Variants in TTC28 observed in about 807,000 individuals in gnomAD.
The protein encoded by TTC28 is tetratricopeptide repeat domain 28.
A neutral mutation model predicts 198.0 loss-of-function variants in TTC28; 61 were observed. The ratio of observed to expected loss-of-function variants is 0.31; its 90% CI spans 0.25 to 0.38. The LOEUF is 0.38. TTC28 is among the 10% of genes least tolerant of loss of function. TTC28 has a pLI of 1.00. For synonymous variants in TTC28, 1,171 were observed against 1,297.8 expected (o/e 0.90, Z 2.10); for missense variants, 2,678 against 3,164.0 (o/e 0.85, Z 3.69).
intron 2 of TTC28, among the ~76,000 whole-genome samples, chr22:28,425,264 A>G (rs753414822): frequency 4.6e-5 from 7 of 152,198 alleles, no homozygotes; most frequent in Non-Finnish European, 8.8e-5. Flanking sequence ...TTTTCCTCCA[A>G]TACAAGCCTA....
At chr22:28,501,797 C>T (rs1368766430) in intron 2 of TTC28, among the ~76,000 whole-genome samples, 1 of 152,118 alleles carries the variant, frequency 6.6e-6, no homozygotes, top group Non-Finnish European at 1.5e-5. Context: ...AGTCTTTTTG[C>T]ATTATGCCAT....
chr22:28,353,897 A>T (rs1160333383), intron 2 of TTC28, among the ~76,000 whole-genome samples: 1 of 152,226 alleles, frequency 6.6e-6, no homozygotes, highest in African/African-American at 2.4e-5. Context: ...TCCAAAGAAG[A>T]TACACAAATG....
chr22:28,341,323 T>G (rs2045824476), intron 2 of TTC28, among the ~76,000 whole-genome samples: 1 of 152,226 alleles, frequency 6.6e-6, no homozygotes, highest in African/African-American at 2.4e-5. Flanking sequence ...GATTCTTTTC[T>G]TACAAGCTTT....
intron 1 of TTC28, among the ~76,000 whole-genome samples, chr22:28,641,878 C>T (rs1274245796): frequency 6.6e-6 from 1 of 151,976 alleles, no homozygotes; most frequent in Non-Finnish European, 1.5e-5. Context: ...ATTTATAACA[C>T]AAAATGCAGG....
intron 5 of TTC28, among the ~76,000 whole-genome samples, chr22:28,194,827 A>G (rs963429216): frequency 1.9e-5 from 2 of 106,018 alleles, no homozygotes; most frequent in Non-Finnish European, 3.8e-5. Context: ...CCAGGACCAG[A>G]TGGATTCACA....
At chr22:28,051,917 G>T (rs1422782536) in intron 12 of TTC28, among the ~76,000 whole-genome samples, 2 of 152,136 alleles carry the variant, frequency 1.3e-5, no homozygotes, top group African/African-American at 2.4e-5. Context: ...TGATTTTGCA[G>T]CCAGCCAGCA....
intron 12 of TTC28, among the ~76,000 whole-genome samples, chr22:28,038,851 T>G (rs1229312655): frequency 1.3e-5 from 2 of 152,150 alleles, no homozygotes; most frequent in Non-Finnish European, 2.9e-5. Context: ...CATCAAAAAG[T>G]GGGCAAAGCA....
intron 2 of TTC28, among the ~76,000 whole-genome samples, chr22:28,513,714 C>G (rs2048729276): frequency 6.6e-6 from 1 of 151,728 alleles, no homozygotes; most frequent in African/African-American, 2.4e-5. Context: ...GTAAAAATAG[C>G]TGAGAAAAGT....
chr22:28,649,918 G>C (rs1201522448), intron 1 of TTC28, among the ~76,000 whole-genome samples: 1 of 151,982 alleles, frequency 6.6e-6, no homozygotes, highest in Non-Finnish European at 1.5e-5. Flanking sequence ...AAATCCCTGA[G>C]GCAATTACTG....
chr22:28,286,407 C>T (rs1343856354), intron 5 of TTC28, among the ~76,000 whole-genome samples: 1 of 152,104 alleles, frequency 6.6e-6, no homozygotes, highest in African/African-American at 2.4e-5. Flanking sequence ...TAATGAGATA[C>T]TTTACATTCT....
chr22:28,133,495 T>A (rs932951974), intron 6 of TTC28, among the ~76,000 whole-genome samples: 7 of 151,952 alleles, frequency 4.6e-5, no homozygotes, highest in Non-Finnish European at 7.4e-5. Context: ...ACCTGGAAAA[T>A]CGGGCCACTC....
intron 2 of TTC28, among the ~76,000 whole-genome samples, chr22:28,484,794 G>A (rs369685933): frequency 6.4e-4 from 97 of 152,282 alleles, no homozygotes; most frequent in African/African-American, 2.3e-3. Context: ...AATCAACCTC[G>A]TAACTATTCT....
At chr22:28,210,683 G>A (rs956534099) in intron 5 of TTC28, among the ~76,000 whole-genome samples, 11 of 152,104 alleles carry the variant, frequency 7.2e-5, no homozygotes, top group Non-Finnish European at 1.0e-4. Flanking sequence ...TGAAAGTGAC[G>A]GGGAGAATGG....
At chr22:28,051,683 G>A (rs546843787) in intron 12 of TTC28, among the ~76,000 whole-genome samples, 1 of 152,262 alleles carries the variant, frequency 6.6e-6, no homozygotes, top group African/African-American at 2.4e-5. Context: ...CGTCATGAAA[G>A]CCCCCAAACA....
In TTC28 at chr22:28,105,864, C is replaced by A. The variant is rs770215647; in HGVS notation, c.2784-62G>T. 8.2e-6 allele frequency: 12 copies of A among 1,463,304 alleles called. No homozygotes were observed. The South Asian group carries it at 1.4e-4, about 17-fold the overall frequency. 90.6% of individuals were successfully genotyped at this position (1,463,304 alleles called of 1,614,324 possible). On this transcript the variant is annotated intron_variant, in intron 7 of 22. Coordinates refer to ENST00000397906, the MANE Select transcript of TTC28 (RefSeq NM_001145418.2). ...TCATGCAGGTGCAGACATGCTAAAGCCCCTGAGAAAATGAAAAGCATTTGT... is the reference window on the plus strand; with the variant it reads ...TCATGCAGGTGCAGACATGCTAAAGACCCTGAGAAAATGAAAAGCATTTGT...
chr22:28,201,033 T>C lies in TTC28; in HGVS notation c.934-37434A>G, dbSNP rs541203579. ...TCCTCACTACGTGCCAGGCAGTTTA[T>C]GTCCATTGGCTCACTTGTAACTCAC... On this transcript the variant is annotated intron_variant, in intron 5 of 22. Coordinates refer to ENST00000397906, the MANE Select transcript of TTC28 (RefSeq NM_001145418.2). Among the ~76,000 whole-genome samples the C allele has an allele frequency of 1.2e-3, 178 of 152,338 alleles. 3 individuals are homozygous for C. The highest frequency in any genetic ancestry group is 3.9e-3 in the African/African-American group (162 of 41,586).
chr22:28,006,392 A>G (rs1377070153), intron 14 of TTC28: 1 of 152,240 alleles, frequency 6.6e-6, no homozygotes, highest in African/African-American at 2.4e-5. Flanking sequence ...CGAATTTACA[A>G]CTGTCTTCAG....
At chr22:28,492,261 TA>T (rs899961980) in intron 2 of TTC28, among the ~76,000 whole-genome samples, 20 of 150,934 alleles carry the variant, frequency 1.3e-4, no homozygotes, top group African/African-American at 4.9e-4. Context: ...TAAAGTATAA[TA>T]AAAAAAATTA....
At chr22:28,401,032 T>A (rs2046897997) in intron 2 of TTC28, among the ~76,000 whole-genome samples, 1 of 152,076 alleles carries the variant, frequency 6.6e-6, no homozygotes, top group Non-Finnish European at 1.5e-5. Flanking sequence ...ATATTTGAGT[T>A]GAGAAAGAAG....
Sources: gnomAD v4.1 joint callset for allele counts (sites outside exome capture counted in the v4.1 genomes callset) on GRCh38, gnomAD v4.1.1 for gene constraint, MANE v1.5 for transcripts, NCBI Gene and HGNC (gene_info 2026-07-23, HGNC 2026-07-21) for gene names.